The following URI1 variants were observed in gnomAD, a reference collection of about 807,000 sequenced individuals.
The protein encoded by URI1 is unconventional prefoldin RPB5 interactor 1.
A neutral mutation model predicts 60.2 loss-of-function variants in URI1; 39 were observed. The ratio of observed to expected loss-of-function variants is 0.65; its 90% confidence interval spans 0.50 to 0.85. URI1 has a LOEUF of 0.85. Ranked by LOEUF, URI1 falls within the 40% of genes least tolerant of loss-of-function variation. The probability of loss-of-function intolerance (pLI) is 0.00; values close to 1 mark genes in which losing one functional copy is unlikely to be tolerated. For missense variants in URI1, 691 were observed against 665.9 expected (o/e 1.04, Z -0.42); for synonymous variants, 251 against 236.8 (o/e 1.06, Z -0.55).
At position 30,010,751 on chromosome 19, in the gene URI1, T is replaced by C. The variant is rs562080884; in HGVS notation, c.1036-343T>C. On this transcript the variant is annotated intron_variant, in intron 8 of 10. Coordinates refer to ENST00000392271, the MANE Select transcript of URI1 (RefSeq NM_003796.3). ...TGAATTTTTGTTTATACTCTTTCTTTTGAAATACATAATTCAAGCCAAACA... is the reference window on the plus strand; with the variant it reads ...TGAATTTTTGTTTATACTCTTTCTTCTGAAATACATAATTCAAGCCAAACA... 3.2e-3 allele frequency among the ~76,000 whole-genome samples: 480 copies of C among 152,342 alleles called. 1 individual carries two copies. Among genetic ancestry groups the C allele is most frequent in the African/African-American group, 0.011 (467 of 41,584 alleles).
At chr19:29,996,828 A>AT (rs1269422022) in intron 4 of URI1, among the ~76,000 whole-genome samples, 1 of 150,488 alleles carries the variant, frequency 6.6e-6, no homozygotes, top group Non-Finnish European at 1.5e-5. Context: ...AGGTTGTTGG[A>AT]TTTTGTCAAA....
chr19:30,013,282 A>G lies in URI1; in HGVS notation c.1425+751A>G, dbSNP rs148248463. Among the ~76,000 whole-genome samples, 674 of 152,288 alleles carry G rather than the reference A, an allele frequency of 4.4e-3. 2 individuals are homozygous for G. The highest frequency in any genetic ancestry group is 0.015 in the African/African-American group (620 of 41,582). ...TACACATTTGTATATACAATAAGATACATGCATATATATAACCTTATCTAA... is the reference window on the plus strand; with the variant it reads ...TACACATTTGTATATACAATAAGATGCATGCATATATATAACCTTATCTAA... On this transcript the variant is annotated intron_variant, in intron 10 of 10. Coordinates refer to ENST00000392271, the MANE Select transcript of URI1 (RefSeq NM_003796.3).
intron 1 of URI1, among the ~76,000 whole-genome samples, chr19:29,949,386 C>T (rs970028114): frequency 3.5e-4 from 53 of 151,356 alleles, no homozygotes; most frequent in Non-Finnish European, 5.3e-4. Context: ...ACTTCCTAGA[C>T]GGGATGGCGG....
chr19:29,981,291 A>G (rs779120660), intron 2 of URI1, among the ~76,000 whole-genome samples: 19 of 152,156 alleles, frequency 1.2e-4, no homozygotes, highest in Non-Finnish European at 2.6e-4. Context: ...TGAATTTCAA[A>G]TTAAGTTGTG....
chr19:29,962,713 A>T (rs2055342137), intron 1 of URI1, among the ~76,000 whole-genome samples: 2 of 151,566 alleles, frequency 1.3e-5, no homozygotes, highest in Admixed American at 6.6e-5. Flanking sequence ...ACACTTATTT[A>T]ATAACAATAT....
At chr19:29,940,947 T>C (rs1366652343), upstream of URI1, among the ~76,000 whole-genome samples, 3 of 152,150 alleles carry the variant, frequency 2.0e-5, no homozygotes, top group Admixed American at 6.5e-5. Context: ...ATGGTAACAA[T>C]GGTCAGGTCC....
chr19:30,009,429 A>G (rs570315302), intron 8 of URI1, 76 bp downstream of exon 8: 176 of 1,295,598 alleles, frequency 1.4e-4, no homozygotes, highest in South Asian at 2.5e-4. Context: ...TAGAAGAGCA[A>G]TATTAACAAT....
rs2055035082 is a variant in URI1 at position 29,942,247 on chromosome 19, A to T, written c.-301A>T. 1.0e-6 allele frequency: 1 copy of T among 983,638 alleles called. No homozygotes were observed. The highest frequency in any genetic ancestry group is 4.6e-5 in the South Asian group (1 of 21,520). 60.9% of individuals were successfully genotyped at this position (983,638 alleles called of 1,614,324 possible). ...GCCGCGAGAGGCGGGGCGTGTGGGG[A>T]GGCGCGGCCGCCACGCGACGCCTGG... On this transcript the variant is annotated 5_prime_UTR_variant, in exon 1 of 11. Transcript: ENST00000392271.
rs182164930 is a variant in URI1, at chr19:30,005,213, A to G, written c.368-148A>G. On this transcript the variant is annotated intron_variant, in intron 4 of 10. Transcript: ENST00000392271. ...CAAAAATACACAGTATAACTTATTA[A>G]AAGTCCATTTAAAAGGAAAATAGTG... 2.1e-3 allele frequency: 1,152 copies of G among 538,978 alleles called. 1 individual carries two copies. The highest frequency in any genetic ancestry group is 3.0e-3 in the Non-Finnish European group (905 of 300,594). 33.4% of individuals were successfully genotyped at this position (538,978 alleles called of 1,614,324 possible).
At chr19:29,948,782 C>A (rs1469702477) in intron 1 of URI1, among the ~76,000 whole-genome samples, 1 of 152,186 alleles carries the variant, frequency 6.6e-6, no homozygotes, top group East Asian at 1.9e-4. Context: ...TTATCTTTTC[C>A]CCACATTTCC....
At chr19:29,961,675 G>GTTTTTTTTTTTTT (rs200425572) in intron 1 of URI1, among the ~76,000 whole-genome samples, 12 of 117,534 alleles carry the variant, frequency 1.0e-4, no homozygotes, top group Non-Finnish European at 1.3e-4. Context: ...TTTTTTTTTT[G>GTTTTTTTTTTTTT]TTTTTTTTTT....
Position 30,005,492 on chromosome 19 carries a change from A to G in URI1, c.459+40A>G, listed in dbSNP as rs202105189. The G allele has an allele frequency of 7.1e-5, 108 of 1,517,100 alleles. No individual in the cohort carries two copies. In the Admixed American group the frequency reaches 1.4e-3, roughly 19 times the overall value. The allele number at this position is 1,517,100 out of a possible 1,614,324, so 94.0% of individuals were successfully genotyped here. ...TTAGTCTTCTATATTTTTAGAAAAT[A>G]TTTTCAAAGAAATATGAAGCTATCT... On this transcript the variant is annotated intron_variant, in intron 5 of 10. Coordinates refer to ENST00000392271, the MANE Select transcript of URI1 (RefSeq NM_003796.3).
Position 30,015,025 on chromosome 19 carries a change from A to G in URI1, c.1564A>G (p.Arg522Gly), listed in dbSNP as rs913158608. ...GGAAGCATCTGAAGAAACTGGAAAG[A>G]GGGTTTCAAAGTTTAAAGCTGCCAG... Reference protein sequence around the residue: ...LLEASEETGKRVSKFKAARLQ... With the variant: ...LLEASEETGKGVSKFKAARLQ... The change falls in exon 11 of 11, where the codon AGG (arginine) becomes GGG (glycine). Residue 522 changes from arginine to glycine, a missense_variant. Arg to Gly is a moderately radical substitution (Grantham distance 125, BLOSUM62 -2). Coordinates refer to ENST00000392271, the MANE Select transcript of URI1 (RefSeq NM_003796.3). 1 of 1,613,760 alleles carries G rather than the reference A, an allele frequency of 6.2e-7. No individual in the cohort carries two copies. The highest frequency in any genetic ancestry group is 1.7e-4 in the Middle Eastern group (1 of 6,060).
At chr19:29,990,516 C>T (rs1568434864) in intron 4 of URI1, among the ~76,000 whole-genome samples, 1 of 152,166 alleles carries the variant, frequency 6.6e-6, no homozygotes, top group Non-Finnish European at 1.5e-5. Context: ...CAACTAATAA[C>T]AGGTGAATAA....
At chr19:29,987,069 T>G (rs769653639) in intron 4 of URI1, among the ~76,000 whole-genome samples, 17 of 152,172 alleles carry the variant, frequency 1.1e-4, no homozygotes, top group Non-Finnish European at 1.5e-4. Context: ...CTACACATTT[T>G]GCAGTTGGAT....
At chr19:29,962,233 T>C (rs1213965609) in intron 1 of URI1, among the ~76,000 whole-genome samples, 3 of 151,944 alleles carry the variant, frequency 2.0e-5, no homozygotes, top group African/African-American at 7.2e-5. Context: ...ATAGTTCTAA[T>C]TGATGTACTT....
At chr19:29,935,554 C>A (rs1292646602) in intron 1 of URI1, among the ~76,000 whole-genome samples, 1 of 151,842 alleles carries the variant, frequency 6.6e-6, no homozygotes, top group Non-Finnish European at 1.5e-5. Context: ...CCTTTCATTT[C>A]AGCCTGATGG....
At chr19:29,992,803 T>C (rs2055763337) in intron 4 of URI1, among the ~76,000 whole-genome samples, 2 of 152,228 alleles carry the variant, frequency 1.3e-5, no homozygotes, top group South Asian at 2.1e-4. Context: ...GACAAGTTTT[T>C]GGTAATTTTG....
intron 2 of URI1, among the ~76,000 whole-genome samples, chr19:29,973,143 G>T (rs2055479485): frequency 6.6e-6 from 1 of 152,000 alleles, no homozygotes. Flanking sequence ...GGAGAGTCGT[G>T]GAATTCTTGT....
Sources: gnomAD v4.1 joint callset for allele counts (sites outside exome capture counted in the v4.1 genomes callset) on GRCh38, gnomAD v4.1.1 for gene constraint, MANE v1.5 for transcripts, NCBI Gene and HGNC (gene_info 2026-07-23, HGNC 2026-07-21) for gene names.